PDE4D: variants seen among roughly 807,000 people sequenced by gnomAD.
PDE4D encodes the protein phosphodiesterase 4D.
PDE4D carries 24 observed loss-of-function variants against 87.4 expected under a neutral mutation model. The ratio of observed to expected loss-of-function variants is 0.27; its 90% confidence interval spans 0.20 to 0.39. The LOEUF is 0.39. PDE4D is among the 10% of genes least tolerant of loss of function. PDE4D has a pLI of 1.00. For synonymous variants in PDE4D, 384 were observed against 383.2 expected (o/e 1.00, Z -0.02); for missense variants, 714 against 1,041.0 (o/e 0.69, Z 4.32).
rs557806393 is a variant in PDE4D, at chr5:59,464,701, C to A, written c.456-248733G>T. Among the ~76,000 whole-genome samples, 13 of 152,264 alleles carry A rather than the reference C, an allele frequency of 8.5e-5. No homozygotes were observed. The East Asian group carries it at 2.3e-3, about 27-fold the overall frequency. Reference sequence around the variant, plus strand: ...GTGTCTTTTTCTTTTCCAAGTCTCTCGTTCCACCTAATGAGAAACACCCAC... The same window carrying A: ...GTGTCTTTTTCTTTTCCAAGTCTCTAGTTCCACCTAATGAGAAACACCCAC... On this transcript the variant is annotated intron_variant, in intron 1 of 14. Coordinates refer to ENST00000340635, the MANE Select transcript of PDE4D (RefSeq NM_001104631.2).
At chr5:59,792,906 G>T (rs183267200) in intron 1 of PDE4D, among the ~76,000 whole-genome samples, 2 of 152,162 alleles carry the variant, frequency 1.3e-5, no homozygotes. Context: ...GAAGGTGGCT[G>T]TGTTAAAAAA....
At chr5:59,183,220 C>T (rs934244485) in intron 4 of PDE4D, among the ~76,000 whole-genome samples, 1 of 152,168 alleles carries the variant, frequency 6.6e-6, no homozygotes, top group African/African-American at 2.4e-5. Flanking sequence ...TTTGCATTGA[C>T]CAAAAGGAAG....
intron 1 of PDE4D, among the ~76,000 whole-genome samples, chr5:59,588,823 C>G (rs1825552643): frequency 6.6e-6 from 1 of 152,138 alleles, no homozygotes; most frequent in African/African-American, 2.4e-5. Context: ...TAGGCAGTGT[C>G]CTCATGACCC....
intron 1 of PDE4D, among the ~76,000 whole-genome samples, chr5:60,342,362 G>A (rs1758387750): frequency 6.6e-6 from 1 of 152,120 alleles, no homozygotes; most frequent in African/African-American, 2.4e-5. Context: ...AGTGGAAGGT[G>A]CGAGCTCAGT....
At chr5:60,248,391 G>T (rs1194524325) in intron 1 of PDE4D, among the ~76,000 whole-genome samples, 2 of 152,080 alleles carry the variant, frequency 1.3e-5, no homozygotes. Flanking sequence ...GCCCAAGAAT[G>T]CCATGTCAGC....
chr5:59,782,577 G>GTGAT (rs2152630102), intron 1 of PDE4D, among the ~76,000 whole-genome samples: 1 of 152,256 alleles, frequency 6.6e-6, no homozygotes, highest in South Asian at 2.1e-4. Context: ...GCCTACTCCA[G>GTGAT]TGATTACCAC....
intron 2 of PDE4D, among the ~76,000 whole-genome samples, chr5:60,095,057 TTACTTATTA>T (rs1277185443): frequency 2.0e-5 from 3 of 152,302 alleles, no homozygotes; most frequent in African/African-American, 7.2e-5. Context: ...ATTTATTTAC[TTACTTATTA>T]TACTTTAAGT....
chr5:59,228,825 C>T (rs1010507131), intron 1 of PDE4D, among the ~76,000 whole-genome samples: 12 of 152,274 alleles, frequency 7.9e-5, no homozygotes, highest in African/African-American at 1.2e-4. Context: ...TCTGCTCAGC[C>T]TCTTGGTCCC....
At chr5:59,004,751 A>G (rs865828370) in intron 6 of PDE4D, among the ~76,000 whole-genome samples, 1 of 152,232 alleles carries the variant, frequency 6.6e-6, no homozygotes, top group South Asian at 2.1e-4. Flanking sequence ...GTTGTGTGGG[A>G]CACACAGCAA....
chr5:59,607,961 C>T (rs191715125), intron 1 of PDE4D, among the ~76,000 whole-genome samples: 1 of 152,148 alleles, frequency 6.6e-6, no homozygotes, highest in East Asian at 1.9e-4. Flanking sequence ...GCCTAGTTTC[C>T]TACACAGTGT....
chr5:59,990,128 A>G (rs1762860415), intron 2 of PDE4D, among the ~76,000 whole-genome samples: 1 of 152,066 alleles, frequency 6.6e-6, no homozygotes, highest in Non-Finnish European at 1.5e-5. Context: ...GAACATCCAG[A>G]CCTCATTTAT....
intron 1 of PDE4D, among the ~76,000 whole-genome samples, chr5:59,855,797 T>C (rs2152723152): frequency 6.6e-6 from 1 of 152,300 alleles, no homozygotes; most frequent in East Asian, 1.9e-4. Context: ...AAATACATAT[T>C]TTTGATTCAC....
intron 1 of PDE4D, among the ~76,000 whole-genome samples, chr5:59,746,595 G>A (rs1407976636): frequency 6.6e-6 from 1 of 152,038 alleles, no homozygotes; most frequent in African/African-American, 2.4e-5. Flanking sequence ...AGATGGCTCT[G>A]TAAATCCCCT....
chr5:60,388,803 A>T (rs1390676975), intron 1 of PDE4D, among the ~76,000 whole-genome samples: 1 of 152,196 alleles, frequency 6.6e-6, no homozygotes, highest in Non-Finnish European at 1.5e-5. Flanking sequence ...GGATTATGGG[A>T]GCTAGAAGCC....
chr5:59,250,526 A>C (rs1445093179), intron 1 of PDE4D, among the ~76,000 whole-genome samples: 1 of 151,774 alleles, frequency 6.6e-6, no homozygotes, highest in East Asian at 1.9e-4. Context: ...AAAAGAAAAA[A>C]AGAATATGTA....
At chr5:59,046,673 G>A (rs989013040) in intron 5 of PDE4D, among the ~76,000 whole-genome samples, 5 of 152,108 alleles carry the variant, frequency 3.3e-5, no homozygotes, top group African/African-American at 1.2e-4. Context: ...ATCCCGACTT[G>A]TTTTGTTTTG....
At chr5:59,525,740 G>A (rs898945966) in intron 1 of PDE4D, among the ~76,000 whole-genome samples, 2 of 152,150 alleles carry the variant, frequency 1.3e-5, no homozygotes, top group Non-Finnish European at 2.9e-5. Flanking sequence ...TTAGATCATG[G>A]GAGCAGATCC....
At chr5:59,727,341 T>G (rs914056386) in intron 1 of PDE4D, among the ~76,000 whole-genome samples, 1 of 152,148 alleles carries the variant, frequency 6.6e-6, no homozygotes, top group Non-Finnish European at 1.5e-5. Flanking sequence ...TATGTTGATT[T>G]CTTAAAATCA....
At position 59,020,033 on chromosome 5, in the gene PDE4D, G is replaced by C. The variant is rs114547310; in HGVS notation, c.921+18826C>G. Among the ~76,000 whole-genome samples the C allele has an allele frequency of 6.6e-3, 1,000 of 152,260 alleles. 14 individuals carry two copies. Among genetic ancestry groups the C allele is most frequent in the African/African-American group, 0.023 (937 of 41,532 alleles). On this transcript the variant is annotated intron_variant, in intron 6 of 14. Transcript: ENST00000340635. Reference sequence around the variant, plus strand: ...CCCTCAGTGAAAACCTAAAGACTGGGTTGTGGTTGTTTGCAGCCAAAACGT... The same window carrying C: ...CCCTCAGTGAAAACCTAAAGACTGGCTTGTGGTTGTTTGCAGCCAAAACGT...
Sources: allele counts gnomAD v4.1 joint callset (sites outside exome capture counted in the v4.1 genomes callset), GRCh38; gene constraint gnomAD v4.1.1; transcripts MANE v1.5; gene names NCBI Gene and HGNC (gene_info 2026-07-23, HGNC 2026-07-21).